NKAIN3: variants seen among roughly 807,000 people sequenced by gnomAD.
The protein encoded by NKAIN3 is sodium/potassium-transporting ATPase subunit beta-1-interacting protein 3.
A neutral mutation model predicts 30.2 loss-of-function variants in NKAIN3; 25 were observed. That is an observed-to-expected ratio of 0.83 (90% CI 0.60 to 1.16). The LOEUF is 1.16. Among genes scored for constraint, NKAIN3 ranks in the 50% most tolerant of loss-of-function variants. NKAIN3 has a pLI of 0.00. For synonymous variants in NKAIN3, 91 were observed against 89.6 expected, an observed-to-expected ratio of 1.02 and a Z score of -0.09; for missense variants, 225 against 254.1, an observed-to-expected ratio of 0.89 and a Z score of 0.78.
chr8:62,249,696 T>TCA (rs1812029590), intron 1 of NKAIN3, among the ~76,000 whole-genome samples: 2 of 152,056 alleles, frequency 1.3e-5, no homozygotes, highest in Admixed American at 1.3e-4. Flanking sequence ...GCTGTGTGCT[T>TCA]CAGCCCCTGC....
At chr8:62,458,980 A>G (rs552917297) in intron 1 of NKAIN3, among the ~76,000 whole-genome samples, 12 of 151,954 alleles carry the variant, frequency 7.9e-5, no homozygotes, top group African/African-American at 2.4e-4. Flanking sequence ...TTCAAACATC[A>G]TGACTGATAG....
At chr8:62,643,675 C>A (rs990849721) in intron 3 of NKAIN3, among the ~76,000 whole-genome samples, 2 of 152,146 alleles carry the variant, frequency 1.3e-5, no homozygotes, top group Admixed American at 1.3e-4. Context: ...ATAAACCCTG[C>A]TTCAGAAGGT....
chr8:62,291,828 C>A (rs1813647552), intron 1 of NKAIN3, among the ~76,000 whole-genome samples: 1 of 152,048 alleles, frequency 6.6e-6, no homozygotes, highest in African/African-American at 2.4e-5. Flanking sequence ...CTAATGTTGA[C>A]CGTGGGATGT....
At chr8:62,323,141 A>G (rs1272703168) in intron 1 of NKAIN3, among the ~76,000 whole-genome samples, 1 of 152,196 alleles carries the variant, frequency 6.6e-6, no homozygotes, top group Non-Finnish European at 1.5e-5. Flanking sequence ...AAATCTAAAC[A>G]TGCTCTTATC....
intron 3 of NKAIN3, among the ~76,000 whole-genome samples, chr8:62,667,859 C>T (rs1813176058): frequency 6.6e-6 from 1 of 152,078 alleles, no homozygotes; most frequent in African/African-American, 2.4e-5. Context: ...TACAATCATC[C>T]ACCCACACTT....
At chr8:62,364,609 G>A (rs886367598) in intron 1 of NKAIN3, among the ~76,000 whole-genome samples, 4 of 151,784 alleles carry the variant, frequency 2.6e-5, no homozygotes, top group African/African-American at 7.3e-5. Context: ...TTGGGAGGCC[G>A]ATGCGGGTGG....
intron 1 of NKAIN3, among the ~76,000 whole-genome samples, chr8:62,452,634 T>G (rs914622063): frequency 5.3e-5 from 8 of 152,172 alleles, no homozygotes; most frequent in African/African-American, 1.9e-4. Context: ...GAAATGAAAC[T>G]TACAAAAATA....
intron 3 of NKAIN3, among the ~76,000 whole-genome samples, chr8:62,739,896 C>T (rs1048686865): frequency 1.3e-5 from 2 of 152,156 alleles, no homozygotes; most frequent in Non-Finnish European, 2.9e-5. Context: ...ATGATTATGA[C>T]TTGCTCATAA....
At chr8:62,924,790 G>A (rs1765085514) in intron 5 of NKAIN3, among the ~76,000 whole-genome samples, 1 of 152,166 alleles carries the variant, frequency 6.6e-6, no homozygotes, top group African/African-American at 2.4e-5. Context: ...TTAAGATCAA[G>A]GTACCAGCAG....
At chr8:62,359,255 C>T (rs1816466030) in intron 1 of NKAIN3, among the ~76,000 whole-genome samples, 1 of 152,144 alleles carries the variant, frequency 6.6e-6, no homozygotes, top group Non-Finnish European at 1.5e-5. Context: ...TCATAAATAA[C>T]TTAGTGTTGG....
In NKAIN3 at chr8:62,766,041, C is replaced by T. The variant is rs572096688; in HGVS notation, c.471+18912C>T. The stretch of plus-strand genomic sequence containing the variant: ...GCTTTATTTCCATTATAGTCATCAA[C>T]ATCAAGTATTGATTGATTTACCTTT... On this transcript the variant is annotated intron_variant, in intron 4 of 6. Transcript: ENST00000623646. 5.3e-5 allele frequency among the ~76,000 whole-genome samples: 8 copies of T among 152,238 alleles called. No individual in the cohort carries two copies. In the South Asian group the frequency reaches 1.2e-3, roughly 24 times the overall value.
chr8:62,264,881 CAT>C (rs915867573), intron 1 of NKAIN3, among the ~76,000 whole-genome samples: 11 of 152,112 alleles, frequency 7.2e-5, no homozygotes, highest in African/African-American at 2.7e-4. Context: ...TCACTAGCCA[CAT>C]GTTTTGTGAA....
chr8:62,346,631 C>T (rs1250110004), intron 1 of NKAIN3, among the ~76,000 whole-genome samples: 1 of 152,042 alleles, frequency 6.6e-6, no homozygotes, highest in Non-Finnish European at 1.5e-5. Flanking sequence ...AGTGGCACAA[C>T]ATGGATATTA....
chr8:62,480,783 A>G (rs1277654197), intron 1 of NKAIN3, among the ~76,000 whole-genome samples: 1 of 152,174 alleles, frequency 6.6e-6, no homozygotes, highest in East Asian at 1.9e-4. Context: ...AGTCAATTGA[A>G]TAATGATGAG....
At chr8:62,338,041 C>T (rs1815622636) in intron 1 of NKAIN3, among the ~76,000 whole-genome samples, 1 of 151,874 alleles carries the variant, frequency 6.6e-6, no homozygotes. Context: ...AATATATGTC[C>T]AGTATATTTT....
chr8:62,501,218 A>G (rs1395994099), intron 1 of NKAIN3, among the ~76,000 whole-genome samples: 2 of 152,164 alleles, frequency 1.3e-5, no homozygotes, highest in Non-Finnish European at 2.9e-5. Flanking sequence ...ATATGAAAAC[A>G]TGGGAGATAA....
At chr8:62,484,369 A>G (rs1444910404) in intron 1 of NKAIN3, among the ~76,000 whole-genome samples, 1 of 152,188 alleles carries the variant, frequency 6.6e-6, no homozygotes, top group African/African-American at 2.4e-5. Context: ...TTTCACAATC[A>G]TTCAGCTTGA....
At chr8:62,951,235 G>C (rs1006040897) in intron 5 of NKAIN3, among the ~76,000 whole-genome samples, 3 of 152,034 alleles carry the variant, frequency 2.0e-5, no homozygotes, top group Non-Finnish European at 4.4e-5. Context: ...AGGGTCAGTG[G>C]AGAGCACCTG....
intron 1 of NKAIN3, chr8:62,383,499 A>G (rs1333952958): frequency 4.4e-6 from 2 of 455,092 alleles, no homozygotes; most frequent in South Asian, 3.1e-5. Context: ...TGCATTAAAA[A>G]CCTGTTCAGG....
Sources: allele counts gnomAD v4.1 joint callset (sites outside exome capture counted in the v4.1 genomes callset), GRCh38; gene constraint gnomAD v4.1.1; transcripts MANE v1.5; gene names NCBI Gene and HGNC (gene_info 2026-07-23, HGNC 2026-07-21).